The following KCNAB2 variants were observed in gnomAD, a reference collection of about 807,000 sequenced individuals.
KCNAB2 encodes the protein voltage-gated potassium channel subunit beta-2.
Under a neutral mutation model 63.6 loss-of-function variants are expected in KCNAB2, and 29 were observed. The observed-to-expected ratio is 0.46, with a 90% CI of 0.34 to 0.62. The LOEUF (loss-of-function observed/expected upper bound fraction) is 0.62, where lower values mean the gene tolerates loss of function less well. Among genes scored for constraint, KCNAB2 ranks in the 20% least tolerant of loss-of-function variants. The pLI, the probability that KCNAB2 is intolerant of heterozygous loss-of-function variation, is 0.01. For synonymous variants in KCNAB2, 222 were observed against 224.2 expected (o/e 0.99, Z 0.09); for missense variants, 359 against 563.9 (o/e 0.64, Z 3.68).
At chr1:6,054,514 C>A (rs533837364) in intron 2 of KCNAB2, among the ~76,000 whole-genome samples, 2 of 152,258 alleles carry the variant, frequency 1.3e-5, no homozygotes, top group South Asian at 4.1e-4. Context: ...CCTGTAGTCC[C>A]AGCTATTCGG....
intron 1 of KCNAB2, among the ~76,000 whole-genome samples, chr1:6,040,027 C>A (rs1392030750): frequency 6.6e-6 from 1 of 152,208 alleles, no homozygotes; most frequent in Non-Finnish European, 1.5e-5. Flanking sequence ...TGAGAAGCTG[C>A]CTGACTTAGG....
chr1:6,054,400 C>T (rs1661637429), intron 2 of KCNAB2, among the ~76,000 whole-genome samples: 2 of 152,118 alleles, frequency 1.3e-5, no homozygotes, highest in African/African-American at 2.4e-5. Context: ...GAGGCCAAGA[C>T]GGGTGGGTTA....
At position 6,090,504 on chromosome 1, in the gene KCNAB2, T is replaced by G. The variant is rs770861189; in HGVS notation, c.601+29T>G. On this transcript the variant is annotated intron_variant, in intron 9 of 15. Transcript: ENST00000378083. ...GGTGGTCTGCGGCGGCGCCACCGGT[T>G]AGGCCTGGGCGGGGTCTGAAGGGTC... is the stretch of plus-strand genomic sequence containing the variant. 7.0e-6 allele frequency: 11 copies of G among 1,577,502 alleles called. No homozygotes were observed. In the East Asian group the frequency reaches 2.5e-4, roughly 35 times the overall value.
chr1:6,045,975 T>C lies in KCNAB2; in HGVS notation c.-235T>C. 1 of 985,418 alleles carries C rather than the reference T, an allele frequency of 1.0e-6. No homozygotes were observed. The highest frequency in any genetic ancestry group is 1.2e-6 in the Non-Finnish European group (1 of 829,924). The allele number at this position is 985,418 out of a possible 1,614,324, so 61.0% of individuals were successfully genotyped here. ...TCGTGAATAATTCAGCCTCTTTCAC[T>C]GAGATGAAAACGCCCTAATAGAACT... On this transcript the variant is annotated 5_prime_UTR_variant, in exon 1 of 16. Transcript: ENST00000378083. This position sits in a 1 kb window ranked among gnomAD's most constrained non-coding sequence, Gnocchi z 4.8.
intron 1 of KCNAB2, among the ~76,000 whole-genome samples, chr1:6,036,914 G>C (rs567866108): frequency 1.4e-4 from 21 of 152,266 alleles, no homozygotes; most frequent in African/African-American, 5.1e-4. Context: ...AATAATTTAG[G>C]CTTTGCCAGC....
At position 5,994,562 on chromosome 1, in the gene KCNAB2, T is replaced by A. The variant is rs1205898782; in HGVS notation, c.-53+1774T>A. On this transcript the variant is annotated intron_variant, in intron 1 of 16. Transcript: ENST00000341524. This position sits in a 1 kb window ranked among gnomAD's most constrained non-coding sequence, Gnocchi z 5.4. Reference sequence around the variant, plus strand: ...TTCCCTGCGCCAGTCAGCAAATGCTTTGTAGGTGCTAGTCAACACCTGGGG... The same window carrying A: ...TTCCCTGCGCCAGTCAGCAAATGCTATGTAGGTGCTAGTCAACACCTGGGG... Among the ~76,000 whole-genome samples the A allele has an allele frequency of 6.6e-6, 1 of 152,056 alleles. No homozygotes were observed. The highest frequency in any genetic ancestry group is 1.5e-5 in the Non-Finnish European group (1 of 68,004).
chr1:6,022,113 T>TA (rs1260201325), intron 1 of KCNAB2, among the ~76,000 whole-genome samples: 6 of 151,912 alleles, frequency 3.9e-5, no homozygotes, highest in Non-Finnish European at 8.8e-5. Context: ...GGTGTATAGT[T>TA]CAGTGGTATC....
intron 2 of KCNAB2, among the ~76,000 whole-genome samples, chr1:6,065,693 AACACTTTTGG>A (rs1199249994): frequency 6.6e-6 from 1 of 152,104 alleles, no homozygotes; most frequent in Admixed American, 6.5e-5. Context: ...AGCCCTGCCC[AACACTTTTGG>A]AGACTGTTGG....
chr1:6,085,506 A>G (rs1664622989), intron 6 of KCNAB2, among the ~76,000 whole-genome samples: 1 of 152,182 alleles, frequency 6.6e-6, no homozygotes, highest in Non-Finnish European at 1.5e-5. Context: ...ACTCATCCAC[A>G]GAGACCCAGA....
At chr1:6,093,065 C>T (rs944860720) in intron 10 of KCNAB2, among the ~76,000 whole-genome samples, 3 of 152,234 alleles carry the variant, frequency 2.0e-5, no homozygotes, top group East Asian at 3.9e-4. Flanking sequence ...TTTGTGGCCT[C>T]GTTGCCATTC....
Position 6,074,297 on chromosome 1 carries a change from T to C in KCNAB2, c.300+527T>C, listed in dbSNP as rs1663479794. 6.6e-6 allele frequency among the ~76,000 whole-genome samples: 1 copy of C among 152,186 alleles called. No homozygotes were observed. The highest frequency in any genetic ancestry group is 2.1e-4 in the South Asian group (1 of 4,832). The stretch of plus-strand genomic sequence containing the variant: ...GCGGATCGCAGTCAGATGTATTTGC[T>C]GGGGCTCATGTCCCCACAATTGGAA... On this transcript the variant is annotated intron_variant, in intron 4 of 15. Coordinates refer to ENST00000378083, the MANE Select transcript of KCNAB2 (RefSeq NM_001199862.2). The surrounding 1 kb of genome is among the most constrained non-coding windows in gnomAD (Gnocchi z 4.9).
upstream of KCNAB2, chr1:6,041,688 T>C (rs570247093): frequency 4.3e-6 from 3 of 699,468 alleles, no homozygotes; most frequent in Admixed American, 6.6e-5. Flanking sequence ...GAGACTGCCC[T>C]GAGCAGGCGA....
At chr1:6,070,085 C>T (rs995439364) in intron 2 of KCNAB2, among the ~76,000 whole-genome samples, 3 of 152,296 alleles carry the variant, frequency 2.0e-5, no homozygotes, top group Admixed American at 1.3e-4. Context: ...CACAGTCACT[C>T]GTGGAGGTGG....
chr1:6,090,314 C>T (rs1037489574), intron 8 of KCNAB2, 75 bp from the exon 9 acceptor site: 35 of 1,037,374 alleles, frequency 3.4e-5, no homozygotes, highest in Non-Finnish European at 4.7e-5. Context: ...TTCCCTGAGC[C>T]GGGCATGGAT....
rs1312428603 is a variant in KCNAB2, at chr1:6,100,688, T to C, written c.*2114T>C. 2.6e-5 allele frequency: 4 copies of C among 152,316 alleles called. No homozygotes were observed. Among genetic ancestry groups the C allele is most frequent in the Non-Finnish European group, 5.9e-5 (4 of 68,114 alleles). 9.4% of individuals were successfully genotyped at this position (152,316 alleles called of 1,614,324 possible). ...GAGAGGCCAGGCCCCAGTGTCAGGA[T>C]GCAGTCAGCCTCTGGCGCAGCTCTT... is the stretch of plus-strand genomic sequence containing the variant. On this transcript the variant is annotated 3_prime_UTR_variant, in exon 16 of 16. Transcript: ENST00000378083.
upstream of KCNAB2, among the ~76,000 whole-genome samples, chr1:6,030,328 T>C (rs1427857651): frequency 6.6e-6 from 1 of 152,138 alleles, no homozygotes; most frequent in Non-Finnish European, 1.5e-5. Context: ...GCCTGTCCCA[T>C]GATCATGGCA....
intron 1 of KCNAB2, among the ~76,000 whole-genome samples, chr1:5,995,247 G>A (rs1400712969): frequency 6.6e-6 from 1 of 152,182 alleles, no homozygotes; most frequent in African/African-American, 2.4e-5. Context: ...CCACCAGGAG[G>A]ACTTGGGTCT....
chr1:6,033,588 T>C (rs954718873), upstream of KCNAB2, among the ~76,000 whole-genome samples: 1 of 152,196 alleles, frequency 6.6e-6, no homozygotes, highest in African/African-American at 2.4e-5. Flanking sequence ...TGGTGTATGA[T>C]TGCGATCAAG....
Position 6,024,142 on chromosome 1 carries a change from A to G in KCNAB2, c.-52-16375A>G, listed in dbSNP as rs1462131719. Among the ~76,000 whole-genome samples, 2 of 152,230 alleles carry G rather than the reference A, an allele frequency of 1.3e-5. No individual in the cohort carries two copies. The highest frequency in any genetic ancestry group is 1.9e-4 in the East Asian group (1 of 5,176). ...TTTTTAGTAGAGACGGGGTTTCACCATGTTGGTCAGGCTGGTCTCGAACTC... is the reference window on the plus strand; with the variant it reads ...TTTTTAGTAGAGACGGGGTTTCACCGTGTTGGTCAGGCTGGTCTCGAACTC... On this transcript the variant is annotated intron_variant, in intron 1 of 16. Coordinates refer to the KCNAB2 transcript ENST00000341524. The surrounding 1 kb of genome is among the most constrained non-coding windows in gnomAD (Gnocchi z 5.4).
Sources: gnomAD v4.1 joint callset for allele counts (sites outside exome capture counted in the v4.1 genomes callset) on GRCh38, gnomAD v4.1.1 for gene constraint, Gnocchi (gnomAD v3.1) non-coding constraint, MANE v1.5 for transcripts, NCBI Gene and HGNC (gene_info 2026-07-23, HGNC 2026-07-21) for gene names.